Variants in SYT1 observed in about 807,000 individuals in gnomAD.
The protein encoded by SYT1 is synaptotagmin-1.
SYT1 carries 8 observed loss-of-function variants against 44.8 expected under a neutral mutation model. That is an observed-to-expected ratio of 0.18 (90% confidence interval 0.10 to 0.32). The LOEUF is 0.32. Among genes scored for constraint, SYT1 ranks in the 10% least tolerant of loss-of-function variants. The probability of loss-of-function intolerance (pLI) is 1.00; values close to 1 mark genes in which losing one functional copy is unlikely to be tolerated. For synonymous variants in SYT1, 154 were observed against 188.8 expected, an observed-to-expected ratio of 0.82 and a Z score of 1.51; for missense variants, 286 against 509.3, an observed-to-expected ratio of 0.56 and a Z score of 4.22.
rs1181203360 is a variant in SYT1, at chr12:79,295,615, TTC to T, written c.475-452_475-451del. 2.6e-5 allele frequency among the ~76,000 whole-genome samples: 4 copies of T among 152,224 alleles called. No homozygotes were observed. In the East Asian group the frequency reaches 7.7e-4, roughly 29 times the overall value. On this transcript the variant is annotated intron_variant, in intron 6 of 10. Transcript: ENST00000261205. ...AAATGCTACCCAATTTCTAAGAAAT[TTC>T]TACTCAGCTAGCCTGAGGCTTTGAT...
chr12:79,353,378 G>C, intron 8 of SYT1, 124 bp from the exon 9 acceptor site: 1 of 714,408 alleles, frequency 1.4e-6, no homozygotes. Context: ...AAATGCCAAT[G>C]GACCTACAAT....
At chr12:79,214,758 A>G (rs1285006910) in intron 3 of SYT1, among the ~76,000 whole-genome samples, 1 of 152,232 alleles carries the variant, frequency 6.6e-6, no homozygotes, top group Non-Finnish European at 1.5e-5. Flanking sequence ...TGATGGAGCT[A>G]TTGTACTTAG....
chr12:79,392,487 G>T (rs2136096842), intron 9 of SYT1: 1 of 152,218 alleles, frequency 6.6e-6, no homozygotes, highest in East Asian at 1.9e-4. Flanking sequence ...CAGGAGGATG[G>T]AGGATACTTT....
rs552105682 is a variant in SYT1 at position 79,270,357 on chromosome 12, A to G, written c.167-15430A>G. Reference sequence around the variant, plus strand: ...AATGCACACATTAGTGCAGTGGTGAAGCATTCATAAGACAAAATAGAGATA... The same window carrying G: ...AATGCACACATTAGTGCAGTGGTGAGGCATTCATAAGACAAAATAGAGATA... On this transcript the variant is annotated intron_variant, in intron 4 of 10. Transcript: ENST00000261205. Among the ~76,000 whole-genome samples, 108 of 152,338 alleles carry G rather than the reference A, an allele frequency of 7.1e-4. 1 individual carries two copies. Among genetic ancestry groups the G allele is most frequent in the Admixed American group, 1.2e-3 (19 of 15,300 alleles).
intron 2 of SYT1, among the ~76,000 whole-genome samples, chr12:79,045,362 C>T (rs1046310592): frequency 1.2e-4 from 18 of 152,180 alleles, no homozygotes; most frequent in African/African-American, 4.3e-4. Flanking sequence ...GCGCAGTATT[C>T]GGGAGGGAGT....
intron 3 of SYT1, among the ~76,000 whole-genome samples, chr12:79,124,552 T>C (rs899091405): frequency 6.6e-6 from 1 of 151,980 alleles, no homozygotes; most frequent in African/African-American, 2.4e-5. Flanking sequence ...TCATCACCAT[T>C]GCCATCATCA....
intron 9 of SYT1, among the ~76,000 whole-genome samples, chr12:79,407,970 C>T (rs916578754): frequency 2.0e-5 from 3 of 152,086 alleles, no homozygotes; most frequent in Non-Finnish European, 4.4e-5. Context: ...CTGACCACCA[C>T]CAAAAGATGT....
intron 3 of SYT1, among the ~76,000 whole-genome samples, chr12:79,091,814 G>A (rs138059664): frequency 1.0e-3 from 153 of 151,930 alleles, no homozygotes; most frequent in African/African-American, 3.4e-3. Context: ...TTTCTCTCTC[G>A]AGTTCCCCCC....
intron 2 of SYT1, among the ~76,000 whole-genome samples, chr12:79,013,212 C>T (rs575038999): frequency 6.6e-6 from 1 of 151,840 alleles, no homozygotes; most frequent in Admixed American, 6.6e-5. Context: ...CTTAACTAGA[C>T]TGAATGCAGG....
intron 3 of SYT1, among the ~76,000 whole-genome samples, chr12:79,178,533 GT>G (rs1872045712): frequency 6.6e-6 from 1 of 151,686 alleles, no homozygotes; most frequent in African/African-American, 2.4e-5. Flanking sequence ...GTTTTGTTTT[GT>G]TTTGTTTTTT....
chr12:79,178,957 TATAG>T lies in SYT1; in HGVS notation c.-17-38542_-17-38539del, dbSNP rs1244590373. ...ATATAGATATAGATATAGATATAGATATAGATATAGATATATAGATATAGATATA... is the reference window on the plus strand; with the variant it reads ...ATATAGATATAGATATAGATATAGATATATAGATATATAGATATAGATATA... On this transcript the variant is annotated intron_variant, in intron 3 of 10. Transcript: ENST00000261205. 2.3e-4 allele frequency among the ~76,000 whole-genome samples: 16 copies of T among 70,258 alleles called. 2 individuals carry two copies. The highest frequency in any genetic ancestry group is 1.0e-3 in the African/African-American group (14 of 14,028). The allele number at this position is 70,258 out of a possible 152,430, so 46.1% of individuals were successfully genotyped here. A position where few individuals can be genotyped will look rare whatever the true frequency, so the allele number is the denominator to read the frequency against.
At chr12:78,896,519 G>A (rs1392032996) in intron 1 of SYT1, among the ~76,000 whole-genome samples, 1 of 151,656 alleles carries the variant, frequency 6.6e-6, no homozygotes. Context: ...ATGTTTTTAA[G>A]GAAAGAGAGA....
chr12:78,876,862 A>ATATTATATGTATTATATATAATACG (rs1874171130), intron 1 of SYT1, among the ~76,000 whole-genome samples: 3 of 51,136 alleles, frequency 5.9e-5, no homozygotes, highest in African/African-American at 9.7e-5. Flanking sequence ...TATATAATAT[A>ATATTATATGTATTATATATAATACG]TATAATATAT....
intron 9 of SYT1, among the ~76,000 whole-genome samples, chr12:79,425,768 C>A (rs1454864895): frequency 6.6e-6 from 1 of 152,160 alleles, no homozygotes; most frequent in Admixed American, 6.5e-5. Flanking sequence ...ACTACACAGT[C>A]AGTGTAAAAT....
chr12:79,277,853 C>A (rs577067780), intron 4 of SYT1, among the ~76,000 whole-genome samples: 92 of 152,050 alleles, frequency 6.1e-4, no homozygotes, highest in African/African-American at 2.1e-3. Context: ...CAAAAGCAAG[C>A]AGTAGTACCT....
intron 3 of SYT1, among the ~76,000 whole-genome samples, chr12:79,206,505 C>T (rs1024466907): frequency 2.0e-5 from 3 of 152,094 alleles, no homozygotes; most frequent in Admixed American, 6.6e-5. Flanking sequence ...AAGAAAAATC[C>T]CCATTTCAAA....
intron 3 of SYT1, among the ~76,000 whole-genome samples, chr12:79,103,489 G>A (rs1271822360): frequency 6.6e-6 from 1 of 151,742 alleles, no homozygotes; most frequent in African/African-American, 2.4e-5. Flanking sequence ...AGGAGTGAAA[G>A]TTTCCTTACT....
chr12:79,236,480 A>C (rs1344091806), intron 4 of SYT1, among the ~76,000 whole-genome samples: 1 of 152,078 alleles, frequency 6.6e-6, no homozygotes, highest in Non-Finnish European at 1.5e-5. Flanking sequence ...GTATAGTCAA[A>C]CCTCCCTATC....
chr12:79,366,346 G>T (rs1478238762), intron 9 of SYT1, among the ~76,000 whole-genome samples: 2 of 152,226 alleles, frequency 1.3e-5, no homozygotes, highest in African/African-American at 4.8e-5. Flanking sequence ...TATGAATTAT[G>T]CAAGTCTGAA....
Sources: gnomAD v4.1 joint callset for allele counts (sites outside exome capture counted in the v4.1 genomes callset) on GRCh38, gnomAD v4.1.1 for gene constraint, MANE v1.5 for transcripts, NCBI Gene and HGNC (gene_info 2026-07-23, HGNC 2026-07-21) for gene names.